The following IQGAP1 variants were observed in gnomAD, a reference collection of about 807,000 sequenced individuals.
IQGAP1 encodes the protein ras GTPase-activating-like protein IQGAP1.
IQGAP1 carries 66 observed loss-of-function variants against 215.6 expected under a neutral mutation model. The ratio of observed to expected loss-of-function variants is 0.31; its 90% CI spans 0.25 to 0.38. The LOEUF (loss-of-function observed/expected upper bound fraction) is 0.38, where lower values mean the gene tolerates loss of function less well. IQGAP1 is among the 10% of genes least tolerant of loss of function. IQGAP1 has a pLI of 1.00. For synonymous variants in IQGAP1, 772 were observed against 728.7 expected (o/e 1.06, Z -0.96); for missense variants, 1,712 against 1,997.1 (o/e 0.86, Z 2.72).
chr15:90,486,695 G>A, intron 31 of IQGAP1: 1 of 403,498 alleles, frequency 2.5e-6, no homozygotes, highest in Non-Finnish European at 4.5e-6. Context: ...CACCCAGCCA[G>A]AAAGAATGTT....
chr15:90,460,999 TAAAA>T (rs36022965), intron 15 of IQGAP1, among the ~76,000 whole-genome samples: 5 of 88,740 alleles, frequency 5.6e-5, no homozygotes, highest in Non-Finnish European at 6.3e-5. Flanking sequence ...ACCCTGTCTT[TAAAA>T]AAAAAAAAAA....
chr15:90,477,514 C>T (rs1965996196), intron 25 of IQGAP1, 151 bp from the exon 26 acceptor site: 1 of 661,480 alleles, frequency 1.5e-6, no homozygotes, highest in African/African-American at 1.8e-5. Context: ...ATCATGACCA[C>T]GATTGAGCGT....
At chr15:90,458,807 C>T in intron 15 of IQGAP1, among the ~76,000 whole-genome samples, 1 of 152,190 alleles carries the variant, frequency 6.6e-6, no homozygotes, top group Admixed American at 6.5e-5. Flanking sequence ...CTCTCCACAG[C>T]ATCAAGTGAC....
At chr15:90,408,322 T>C (rs956560246) in intron 2 of IQGAP1, among the ~76,000 whole-genome samples, 1 of 152,180 alleles carries the variant, frequency 6.6e-6, no homozygotes, top group Non-Finnish European at 1.5e-5. Context: ...GTTTTGGTTT[T>C]TGTTTTTCTT....
chr15:90,462,341 A>C (rs1965775748), intron 15 of IQGAP1, among the ~76,000 whole-genome samples: 1 of 151,968 alleles, frequency 6.6e-6, no homozygotes, highest in Non-Finnish European at 1.5e-5. Flanking sequence ...TACTGTCCCA[A>C]CCCTCCCATA....
At chr15:90,420,575 A>G (rs1965119353) in intron 2 of IQGAP1, among the ~76,000 whole-genome samples, 1 of 152,236 alleles carries the variant, frequency 6.6e-6, no homozygotes, top group Admixed American at 6.5e-5. Flanking sequence ...GGGATGGAGT[A>G]GAACATGTGA....
chr15:90,426,404 A>C, intron 3 of IQGAP1, 138 bp downstream of exon 3: 1 of 876,044 alleles, frequency 1.1e-6, no homozygotes, highest in South Asian at 1.9e-5. Context: ...AATGCCTGGC[A>C]GAATGGAGAA....
At chr15:90,449,807 G>A (rs1965576557) in intron 11 of IQGAP1, among the ~76,000 whole-genome samples, 164 bp downstream of exon 11, 1 of 152,122 alleles carries the variant, frequency 6.6e-6, no homozygotes, top group African/African-American at 2.4e-5. Flanking sequence ...TTGTTGTTGT[G>A]GTGGTTTTAA....
Position 90,472,309 on chromosome 15 carries a change from CT to C in IQGAP1, c.2179-528del, listed in dbSNP as rs572705809. ...TAATAAACATCTGATTGTTTTATTC[CT>C]TTGCTTGACAAAATTTCCTGGCTGT... On this transcript the variant is annotated intron_variant, in intron 18 of 37. Transcript: ENST00000268182. Among the ~76,000 whole-genome samples the C allele has an allele frequency of 9.5e-4, 145 of 152,232 alleles. 3 individuals are homozygous for C. The South Asian group carries it at 0.029, about 30-fold the overall frequency.
intron 17 of IQGAP1, 111 bp downstream of exon 17, chr15:90,466,547 TAC>T: frequency 9.9e-7 from 1 of 1,005,678 alleles, no homozygotes; most frequent in Non-Finnish European, 1.5e-6. Context: ...AGCATAGATG[TAC>T]AGTACTTAGG....
intron 15 of IQGAP1, among the ~76,000 whole-genome samples, chr15:90,461,474 G>A (rs1464334377): frequency 6.6e-6 from 1 of 152,158 alleles, no homozygotes; most frequent in African/African-American, 2.4e-5. Flanking sequence ...ATTACTAGTC[G>A]TGAGTAGTAC....
rs1466743729 is a variant in IQGAP1 at position 90,477,786 on chromosome 15, G to T, written c.3226G>T (p.Val1076Leu). Residue 1076 changes from valine (V) to leucine (L), a missense_variant, in exon 26 of 38, where the codon GTG becomes TTG. Val to Leu is a conservative substitution (Grantham distance 32). Around this residue, in one of 2 missense-constraint regions of IQGAP1, gnomAD observed 691 missense variants for 923.0 expected, o/e 0.75. Coordinates refer to ENST00000268182, the MANE Select transcript of IQGAP1 (RefSeq NM_003870.4). ...CCTGAGACAGATCTTGGCCCCAGTC[G>T]TGAAGGAAATTATGGATGACAAATC... ...NALRQILAPV[V>L]KEIMDDKSLN... is the part of the protein sequence containing the mutation. The T allele has an allele frequency of 6.2e-7, 1 of 1,613,886 alleles. No homozygotes were observed. The highest frequency in any genetic ancestry group is 8.5e-7 in the Non-Finnish European group (1 of 1,179,858).
At chr15:90,480,858 G>C (rs1345656287) in intron 26 of IQGAP1, among the ~76,000 whole-genome samples, 2 of 152,136 alleles carry the variant, frequency 1.3e-5, no homozygotes, top group East Asian at 3.9e-4. Context: ...AGTAAAGATG[G>C]GGTTTCTCCA....
intron 17 of IQGAP1, 92 bp from the exon 18 acceptor site, chr15:90,467,358 C>A: frequency 7.6e-7 from 1 of 1,313,210 alleles, no homozygotes. Flanking sequence ...TTCATTTAGA[C>A]TGTGAGACTA....
chr15:90,485,805 A>G (rs1447914889), intron 30 of IQGAP1, among the ~76,000 whole-genome samples: 1 of 152,078 alleles, frequency 6.6e-6, no homozygotes, highest in Non-Finnish European at 1.5e-5. Flanking sequence ...GAATACCAGT[A>G]TTTCCTCTTC....
At chr15:90,437,017 G>A (rs532729992) in intron 5 of IQGAP1, among the ~76,000 whole-genome samples, 4 of 152,292 alleles carry the variant, frequency 2.6e-5, no homozygotes, top group East Asian at 3.9e-4. Flanking sequence ...CTGAGACTGG[G>A]TAATTCATAA....
At chr15:90,492,437 A>G in intron 34 of IQGAP1, 108 bp from the exon 35 acceptor site, 1 of 832,050 alleles carries the variant, frequency 1.2e-6, no homozygotes, top group South Asian at 2.3e-5. Context: ...AAAAAAAAAA[A>G]AAAAGTAGGT....
Position 90,440,623 on chromosome 15 carries a change from G to A in IQGAP1, c.649+8G>A. 1 of 1,545,254 alleles carries A rather than the reference G, an allele frequency of 6.5e-7. No individual in the cohort carries two copies. The highest frequency in any genetic ancestry group is 8.8e-7 in the Non-Finnish European group (1 of 1,139,672). On this transcript the variant is annotated splice_region_variant and intron_variant, in intron 7 of 37. Transcript: ENST00000268182. ...CAGTGGATGAAGCCGCATGTAAGAAGAGAGAAATTTTGTGGGTTCAACTGG... is the reference window on the plus strand; with the variant it reads ...CAGTGGATGAAGCCGCATGTAAGAAAAGAGAAATTTTGTGGGTTCAACTGG...
At chr15:90,398,173 A>G (rs1172355135) in intron 2 of IQGAP1, among the ~76,000 whole-genome samples, 1 of 152,156 alleles carries the variant, frequency 6.6e-6, no homozygotes, top group Non-Finnish European at 1.5e-5. Context: ...GACATGAGCC[A>G]CTGTGCCCGG....
Sources: allele counts gnomAD v4.1 joint callset (sites outside exome capture counted in the v4.1 genomes callset), GRCh38; gene constraint gnomAD v4.1.1; regional missense constraint gnomAD v4.1.1; transcripts MANE v1.5; gene names NCBI Gene and HGNC (gene_info 2026-07-23, HGNC 2026-07-21).